Variants in PTPN20 observed in about 807,000 individuals in gnomAD.
PTPN20 encodes protein tyrosine phosphatase non-receptor type 20, also known as tyrosine-protein phosphatase non-receptor type 20.
In PTPN20, 9 loss-of-function variants were observed where a neutral mutation model predicts 35.0. That is an observed-to-expected ratio of 0.26 (90% CI 0.15 to 0.45). The LOEUF is 0.45. Ranked by LOEUF, PTPN20 falls within the 20% of genes least tolerant of loss-of-function variation. The probability of loss-of-function intolerance (pLI) is 1.00; values close to 1 mark genes in which losing one functional copy is unlikely to be tolerated. For missense variants in PTPN20, 111 were observed against 312.5 expected (o/e 0.36, Z 4.86); for synonymous variants, 32 against 100.2 (o/e 0.32, Z 4.06).
intron 2 of PTPN20, among the ~76,000 whole-genome samples, chr10:46,937,339 A>C (rs1363758410): frequency 6.6e-6 from 1 of 151,136 alleles, no homozygotes; most frequent in Non-Finnish European, 1.5e-5. Context: ...TATGACATAC[A>C]TGAATGTGAT....
chr10:46,949,575 A>G lies in PTPN20; in HGVS notation c.340+2900A>G, dbSNP rs1488735527. 3.3e-5 allele frequency among the ~76,000 whole-genome samples: 5 copies of G among 150,846 alleles called. No homozygotes were observed. The East Asian group carries it at 5.9e-4, about 18-fold the overall frequency. On this transcript the variant is annotated intron_variant, in intron 5 of 10. Transcript: ENST00000374339. ...TTAGTGTTTTTTTTTCAACTTATGT[A>G]TATTGTTAGGGTAGGAGTGATGCTC... is the stretch of plus-strand genomic sequence containing the variant.
chr10:46,940,960 T>C (rs1294912484), intron 3 of PTPN20, among the ~76,000 whole-genome samples: 1 of 151,850 alleles, frequency 6.6e-6, no homozygotes, highest in African/African-American at 2.4e-5. Flanking sequence ...TTTGTGTTAC[T>C]AATGAAGATA....
At chr10:46,992,657 C>T (rs2058220258) in intron 9 of PTPN20, among the ~76,000 whole-genome samples, 1 of 152,158 alleles carries the variant, frequency 6.6e-6, no homozygotes, top group Non-Finnish European at 1.5e-5. Context: ...GATTAGGTTT[C>T]AGCTGTCTCC....
intron 5 of PTPN20, among the ~76,000 whole-genome samples, chr10:46,948,478 C>G: frequency 6.8e-6 from 1 of 146,822 alleles, no homozygotes; most frequent in Non-Finnish European, 1.5e-5. Context: ...GAATTTATGC[C>G]TAGAAATAGT....
chr10:46,923,674 G>T (rs1421889729), intron 1 of PTPN20, among the ~76,000 whole-genome samples: 4 of 149,546 alleles, frequency 2.7e-5, no homozygotes, highest in African/African-American at 1.0e-4. Context: ...ATTATTTTGG[G>T]TTTTCTGCGT....
Position 47,000,591 on chromosome 10 carries a change from T to C in PTPN20, c.1198-85T>C. ...CTTTTTAGGAACTTTCCAGTGTGGC[T>C]GAAAATTACAAATGTGTTTTCTGAA... On this transcript the variant is annotated intron_variant, in intron 10 of 10. Coordinates refer to ENST00000374339, the MANE Select transcript of PTPN20 (RefSeq NM_001042357.5). 4 of 1,540,584 alleles carry C rather than the reference T, an allele frequency of 2.6e-6. No homozygotes were observed. The South Asian group carries it at 4.6e-5, about 18-fold the overall frequency.
intron 7 of PTPN20, chr10:46,981,582 G>T (rs1255931934): frequency 2.4e-5 from 3 of 126,222 alleles, no homozygotes; most frequent in African/African-American, 6.2e-5. Context: ...AGTAACTCTG[G>T]GTATGGATTT....
intron 5 of PTPN20, among the ~76,000 whole-genome samples, chr10:46,952,842 G>C (rs1441825818): frequency 6.6e-6 from 1 of 151,408 alleles, no homozygotes; most frequent in African/African-American, 2.4e-5. Context: ...TTAATACTTG[G>C]AATCCAGCAC....
At chr10:46,949,368 TTA>T (rs2134467423) in intron 5 of PTPN20, among the ~76,000 whole-genome samples, 1 of 152,340 alleles carries the variant, frequency 6.6e-6, no homozygotes, top group South Asian at 2.1e-4. Context: ...GCATTACATT[TTA>T]TGTCTGAATA....
chr10:46,955,025 T>C (rs1416067461), intron 5 of PTPN20: 36 of 151,444 alleles, frequency 2.4e-4, no homozygotes, highest in East Asian at 1.2e-3. Context: ...GTAATCTAGA[T>C]ATGATTTAAA....
chr10:46,979,020 T>A (rs1469163220), intron 7 of PTPN20, among the ~76,000 whole-genome samples: 172 of 151,994 alleles, frequency 1.1e-3, no homozygotes, highest in African/African-American at 3.9e-3. Flanking sequence ...GTCAATAACT[T>A]CCCAGACTTG....
intron 7 of PTPN20, among the ~76,000 whole-genome samples, chr10:46,972,287 A>G (rs1193720648): frequency 2.2e-4 from 34 of 152,130 alleles, no homozygotes; most frequent in Non-Finnish European, 2.9e-5. Flanking sequence ...TTGAGCAGAC[A>G]CTTCTCAGGG....
chr10:46,994,330 T>TTC, intron 9 of PTPN20, among the ~76,000 whole-genome samples: 1 of 135,838 alleles, frequency 7.4e-6, no homozygotes, highest in African/African-American at 2.8e-5. Flanking sequence ...CTCTTTTTTT[T>TTC]TTTTTTTTTT....
At chr10:46,932,292 T>C in intron 1 of PTPN20, 85 bp from the exon 2 acceptor site, 2 of 1,482,892 alleles carry the variant, frequency 1.3e-6, no homozygotes, top group African/African-American at 2.8e-5. Flanking sequence ...TTTAAATATT[T>C]TGAATTGATG....
At chr10:46,981,251 A>G (rs1289751470) in intron 7 of PTPN20, 1 of 142,134 alleles carries the variant, frequency 7.0e-6, no homozygotes, top group African/African-American at 2.7e-5. Context: ...ATAGAGTGAC[A>G]TGCTCTATGA....
chr10:46,926,544 G>A (rs1400026407), intron 1 of PTPN20, among the ~76,000 whole-genome samples: 2 of 151,168 alleles, frequency 1.3e-5, no homozygotes, highest in Non-Finnish European at 2.9e-5. Flanking sequence ...GAAGTGGAAG[G>A]CAGGAACTTA....
At chr10:46,923,513 G>A (rs200603751) in intron 1 of PTPN20, among the ~76,000 whole-genome samples, 65,910 of 142,416 alleles carry the variant, frequency 0.46, 16,585 homozygotes, top group African/African-American at 0.62. Context: ...ACTAAAGATC[G>A]GTTGACTACA....
intron 9 of PTPN20, among the ~76,000 whole-genome samples, chr10:46,993,322 TG>T (rs1555178283): frequency 6.6e-6 from 1 of 152,148 alleles, no homozygotes; most frequent in Non-Finnish European, 1.5e-5. Context: ...TCTCCTCCCT[TG>T]GGGCAGCTCG....
At chr10:46,953,335 T>TTTTTCTTTCTTTCTTTC in intron 5 of PTPN20, among the ~76,000 whole-genome samples, 1 of 113,452 alleles carries the variant, frequency 8.8e-6, no homozygotes, top group East Asian at 3.0e-4. Context: ...CTTTCATTTC[T>TTTTTCTTTCTTTCTTTC]TTTCTTTCTT....
Sources: gnomAD v4.1 joint callset for allele counts (sites outside exome capture counted in the v4.1 genomes callset) on GRCh38, gnomAD v4.1.1 for gene constraint, MANE v1.5 for transcripts, NCBI Gene and HGNC (gene_info 2026-07-23, HGNC 2026-07-21) for gene names.